NISCH: variants seen among roughly 807,000 people sequenced by gnomAD.
The protein encoded by NISCH is I-1 receptor candidate protein.
NISCH carries 55 observed loss-of-function variants against 138.4 expected under a neutral mutation model. The ratio of observed to expected loss-of-function variants is 0.40; its 90% CI spans 0.32 to 0.50. The LOEUF is 0.50. Ranked by LOEUF, NISCH falls within the 20% of genes least tolerant of loss-of-function variation. NISCH has a pLI of 0.71. For synonymous variants in NISCH, 860 were observed against 861.5 expected (o/e 1.00, Z 0.03); for missense variants, 1,643 against 2,005.5 (o/e 0.82, Z 3.45).
intron 17 of NISCH, 102 bp from the exon 18 acceptor site, chr3:52,489,973 C>A: frequency 6.7e-7 from 1 of 1,496,876 alleles, no homozygotes. Context: ...ATTGGTGAGC[C>A]AAGAGGGGCT....
intron 3 of NISCH, among the ~76,000 whole-genome samples, chr3:52,464,516 T>C (rs1706725729): frequency 9.1e-6 from 1 of 109,956 alleles, no homozygotes; most frequent in Admixed American, 1.0e-4. Context: ...CTGTGAGTTG[T>C]CTTTTTTTTT....
rs1017181336 is a variant in NISCH, at chr3:52,488,230, C to T, written c.2738C>T (p.Thr913Met). The T allele has an allele frequency of 1.9e-5, 30 of 1,611,752 alleles. No homozygotes were observed. The highest frequency in any genetic ancestry group is 2.4e-5 in the Non-Finnish European group (28 of 1,179,996). Residue 913 changes from threonine to methionine, a missense_variant, in exon 16 of 21, where the codon ACG becomes ATG. By Grantham distance (81) the Thr-to-Met change is moderately conservative. Transcript: ENST00000345716. Reference sequence around the variant, plus strand: ...GCCATCCCCTACTGGCTGTTGCTCACGCCCCAGCACCTCAACGTCATCAAG... The same window carrying T: ...GCCATCCCCTACTGGCTGTTGCTCATGCCCCAGCACCTCAACGTCATCAAG... The part of the protein sequence containing the change: ...SAAIPYWLLL[T>M]PQHLNVIKAD...
intron 3 of NISCH, among the ~76,000 whole-genome samples, chr3:52,460,305 C>G (rs922666437): frequency 6.6e-6 from 1 of 151,832 alleles, no homozygotes; most frequent in Non-Finnish European, 1.5e-5. Context: ...GCAGCTCCAC[C>G]ATCATTATCC....
chr3:52,465,782 A>C (rs899943178), intron 3 of NISCH, among the ~76,000 whole-genome samples: 4 of 152,192 alleles, frequency 2.6e-5, no homozygotes, highest in African/African-American at 9.7e-5. Flanking sequence ...TCAGTCATTT[A>C]ACCTGCCTGT....
chr3:52,459,306 C>G (rs1308073506), intron 3 of NISCH, among the ~76,000 whole-genome samples: 1 of 152,190 alleles, frequency 6.6e-6, no homozygotes, highest in African/African-American at 2.4e-5. Flanking sequence ...TGGACACCTT[C>G]CTGTGATGGG....
intron 2 of NISCH, 93 bp downstream of exon 2, chr3:52,458,019 A>G: frequency 1.1e-6 from 1 of 894,172 alleles, no homozygotes; most frequent in Non-Finnish European, 1.9e-6. Flanking sequence ...AGGGCAAAAC[A>G]GGTTCCATCT....
Position 52,477,649 on chromosome 3 carries a change from C to T in NISCH, c.987+7C>T, listed in dbSNP as rs549337778. 1.1e-5 allele frequency: 18 copies of T among 1,609,802 alleles called. No individual in the cohort carries two copies. The East Asian group carries it at 1.3e-4, about 12-fold the overall frequency. On this transcript the variant is annotated splice_region_variant and intron_variant, in intron 9 of 20. Coordinates refer to ENST00000345716, the MANE Select transcript of NISCH (RefSeq NM_007184.4). ...GGTTGTGGACAATCTGCAGGTAGTG[C>T]CTTTGGAGACCAGTGCTGCCCGCAC...
At position 52,458,673 on chromosome 3, in the gene NISCH, GAGAA is replaced by G. The variant is rs771816970; in HGVS notation, c.193_196del (p.Lys65LeufsTer11). The G allele has an allele frequency of 6.2e-7, 1 of 1,612,894 alleles. No homozygotes were observed. The highest frequency in any genetic ancestry group is 8.5e-7 in the Non-Finnish European group (1 of 1,179,730). ...ATGTTTTTTTACAGCTCGTTGCAGA[GAGAA>G]AGATTGATAAAAATCTGCTTCCGCC... On this transcript the variant is annotated frameshift_variant, in exon 3 of 21. Coordinates refer to ENST00000345716, the MANE Select transcript of NISCH (RefSeq NM_007184.4). LOFTEE classifies it high-confidence loss of function.
Position 52,489,570 on chromosome 3 carries a change from G to A in NISCH, c.3348G>A (p.Ser1116=), listed in dbSNP as rs768107940. 2.1e-5 allele frequency: 34 copies of A among 1,613,112 alleles called. 1 individual carries two copies. Among genetic ancestry groups the A allele is most frequent in the South Asian group, 1.1e-4 (10 of 91,094 alleles). ...YPSEHLIQAT[S]EENQIPSHLP... ...GTGAGCACCTCATCCAGGCCACCTC[G>A]GAGGAGAATCAGATCCCCTCGCACT... The change falls in exon 17 of 21, where the codon TCG becomes TCA. Residue 1116 remains serine (S), a synonymous_variant. Transcript: ENST00000345716.
In NISCH at chr3:52,473,773, G is replaced by T. The variant is rs141246499; in HGVS notation, c.709G>T (p.Ala237Ser). ...TGCTAAGCACATCAGAGGGCTGGTC[G>T]CATCGAAGCCCACCTTAGCCACGCT... ...CDAKHIRGLVASKPTLATLSV... is the reference protein window; with the variant it reads ...CDAKHIRGLVSSKPTLATLSV... Residue 237 changes from alanine (A) to serine (S), a missense_variant, in exon 7 of 21, where the codon GCA becomes TCA. Coordinates refer to ENST00000345716, the MANE Select transcript of NISCH (RefSeq NM_007184.4). The T allele has an allele frequency of 3.1e-5, 50 of 1,608,588 alleles. 1 individual carries two copies. In the South Asian group the frequency reaches 3.6e-4, roughly 12 times the overall value.
intron 20 of NISCH, 84 bp downstream of exon 20, chr3:52,491,597 C>G: frequency 2.1e-6 from 3 of 1,415,506 alleles, no homozygotes; most frequent in Non-Finnish European, 2.9e-6. Context: ...CCCCAGAACC[C>G]TCTCTGCCTC....
At chr3:52,476,251 A>G in intron 7 of NISCH, 196 bp from the exon 8 acceptor site, 3 of 611,370 alleles carry the variant, frequency 4.9e-6, no homozygotes, top group Non-Finnish European at 8.7e-6. Flanking sequence ...AGTGGCTGTT[A>G]TGTGGTAAAT....
At chr3:52,458,326 A>G (rs1170758273) in intron 2 of NISCH, among the ~76,000 whole-genome samples, 1 of 152,124 alleles carries the variant, frequency 6.6e-6, no homozygotes. Flanking sequence ...GGTCATTTGC[A>G]GCATAACTGT....
intron 3 of NISCH, among the ~76,000 whole-genome samples, chr3:52,465,031 A>G (rs1007341358): frequency 4.6e-5 from 7 of 152,190 alleles, no homozygotes; most frequent in Admixed American, 2.6e-4. Flanking sequence ...ATTAAGTTCA[A>G]TTTATCAATT....
chr3:52,469,990 A>G (rs1706896739), intron 3 of NISCH, among the ~76,000 whole-genome samples: 1 of 151,568 alleles, frequency 6.6e-6, no homozygotes, highest in Admixed American at 6.6e-5. Flanking sequence ...AGGTTGAGGC[A>G]GGAGGATTAC....
Position 52,484,656 on chromosome 3 carries a change from T to A in NISCH, c.1653+19T>A. ...GGGACAGGTAATGCCCTCTTCCCGC[T>A]TCTGGGGACCATACATCTGTGGGTG... is the stretch of plus-strand genomic sequence containing the variant. On this transcript the variant is annotated intron_variant, in intron 14 of 20. Transcript: ENST00000345716. The A allele has an allele frequency of 1.2e-6, 2 of 1,613,534 alleles. No homozygotes were observed. The highest frequency in any genetic ancestry group is 1.7e-6 in the Non-Finnish European group (2 of 1,179,780).
chr3:52,472,339 A>G lies in NISCH; in HGVS notation c.610A>G (p.Ile204Val). The change falls in exon 6 of 21, where the codon ATT becomes GTT. Residue 204 changes from isoleucine to valine, a missense_variant. Ile to Val is a conservative substitution (Grantham distance 29). Coordinates refer to ENST00000345716, the MANE Select transcript of NISCH (RefSeq NM_007184.4). ...GTEGPFGTSN[I>V]QEQLLPFDLS... ...AGAAGGACCTTTTGGGACCAGCAAC[A>G]TTCAGGAGCAGCTCCTGCCGTTCGA... 1 of 1,614,182 alleles carries G rather than the reference A, an allele frequency of 6.2e-7. No homozygotes were observed. The highest frequency in any genetic ancestry group is 8.5e-7 in the Non-Finnish European group (1 of 1,180,028).
intron 3 of NISCH, among the ~76,000 whole-genome samples, chr3:52,463,833 C>T (rs6772191): frequency 0.96 from 144,955 of 150,544 alleles, 69,836 homozygotes; most frequent in African/African-American, 0.99. Context: ...AAGCGATTCT[C>T]GTGCCTCAGC....
chr3:52,492,250 A>G lies in NISCH; in HGVS notation c.4283A>G (p.Gln1428Arg), dbSNP rs999555299. 6.2e-7 allele frequency: 1 copy of G among 1,613,204 alleles called. No homozygotes were observed. The highest frequency in any genetic ancestry group is 8.5e-7 in the Non-Finnish European group (1 of 1,180,022). The change falls in exon 21 of 21, where the codon CAG (glutamine) becomes CGG (arginine). Residue 1428 changes from glutamine (Q) to arginine (R), a missense_variant. By Grantham distance (43) the Gln-to-Arg change is conservative. Transcript: ENST00000345716. ...CTCATGGGCTACCAGACCTACCCGC[A>G]GGCCCTCACCCTCGTCTTCGATGAC... Reference protein sequence around the residue: ...RVLMGYQTYPQALTLVFDDVQ... With the variant: ...RVLMGYQTYPRALTLVFDDVQ...
Sources: gnomAD v4.1 joint callset for allele counts (sites outside exome capture counted in the v4.1 genomes callset) on GRCh38, gnomAD v4.1.1 for gene constraint, MANE v1.5 for transcripts, NCBI Gene and HGNC (gene_info 2026-07-23, HGNC 2026-07-21) for gene names.